The following CCSER1 variants were observed in gnomAD, a reference collection of about 807,000 sequenced individuals.
CCSER1 encodes serine-rich coiled-coil domain-containing protein 1.
In CCSER1, 41 loss-of-function variants were observed where a neutral mutation model predicts 82.0. The observed-to-expected ratio is 0.50, with a 90% CI of 0.39 to 0.65. CCSER1 has a LOEUF of 0.65. Ranked by LOEUF, CCSER1 falls within the 30% of genes least tolerant of loss-of-function variation. The probability of loss-of-function intolerance (pLI) is 0.00; values close to 1 mark genes in which losing one functional copy is unlikely to be tolerated. For missense variants in CCSER1, 1,119 were observed against 1,064.2 expected, an observed-to-expected ratio of 1.05 and a Z score of -0.72; for synonymous variants, 414 against 383.9, an observed-to-expected ratio of 1.08 and a Z score of -0.92.
intron 8 of CCSER1, among the ~76,000 whole-genome samples, chr4:90,908,224 CT>C (rs1232492944): frequency 6.6e-6 from 1 of 152,100 alleles, no homozygotes; most frequent in Non-Finnish European, 1.5e-5. Context: ...TAAGAATCTA[CT>C]TTAAAAAGAA....
chr4:90,913,503 G>A (rs1379898641), intron 8 of CCSER1, among the ~76,000 whole-genome samples: 1 of 152,126 alleles, frequency 6.6e-6, no homozygotes, highest in East Asian at 1.9e-4. Context: ...ACTAAATATG[G>A]AAAGGAACAG....
At chr4:91,350,454 T>C (rs997712852) in intron 10 of CCSER1, among the ~76,000 whole-genome samples, 6 of 152,180 alleles carry the variant, frequency 3.9e-5, no homozygotes, top group Non-Finnish European at 5.9e-5. Context: ...TTCCTCTTTT[T>C]AGTGTCATTT....
intron 8 of CCSER1, among the ~76,000 whole-genome samples, chr4:90,852,371 A>G (rs1763986983): frequency 6.6e-6 from 1 of 152,178 alleles, no homozygotes; most frequent in Non-Finnish European, 1.5e-5. Context: ...GTTTATGTCA[A>G]TATATCTTGG....
intron 5 of CCSER1, among the ~76,000 whole-genome samples, chr4:90,604,394 G>A (rs1027384897): frequency 2.0e-5 from 3 of 152,086 alleles, no homozygotes; most frequent in South Asian, 2.1e-4. Context: ...TGAGTCCCAT[G>A]TTCACCATTT....
At chr4:90,556,427 T>G (rs1778148557) in intron 5 of CCSER1, among the ~76,000 whole-genome samples, 1 of 152,052 alleles carries the variant, frequency 6.6e-6, no homozygotes, top group Admixed American at 6.6e-5. Context: ...CAAAAAAATG[T>G]AACAGTTGAC....
intron 5 of CCSER1, among the ~76,000 whole-genome samples, chr4:90,539,882 T>A (rs1775889493): frequency 6.6e-6 from 1 of 151,758 alleles, no homozygotes; most frequent in Admixed American, 6.6e-5. Context: ...AGTGTGTGGT[T>A]TATATAAGTA....
chr4:90,433,808 A>T (rs1255563798), intron 4 of CCSER1, among the ~76,000 whole-genome samples: 1 of 151,976 alleles, frequency 6.6e-6, no homozygotes, highest in Non-Finnish European at 1.5e-5. Context: ...CTAATTTCTT[A>T]GGACAGCACA....
intron 10 of CCSER1, among the ~76,000 whole-genome samples, chr4:91,486,384 C>G (rs1204791957): frequency 6.6e-6 from 1 of 151,892 alleles, no homozygotes; most frequent in African/African-American, 2.4e-5. Context: ...ATTAGAGACA[C>G]TTTTTTGAAA....
chr4:90,688,335 G>A (rs1735198192), intron 6 of CCSER1, among the ~76,000 whole-genome samples: 1 of 152,060 alleles, frequency 6.6e-6, no homozygotes, highest in Admixed American at 6.6e-5. Context: ...GTGCATGCAT[G>A]TATGCATGGT....
chr4:90,631,917 T>A (rs1048274519), intron 6 of CCSER1, among the ~76,000 whole-genome samples: 7 of 152,166 alleles, frequency 4.6e-5, no homozygotes, highest in African/African-American at 1.7e-4. Context: ...ATGACTTTCA[T>A]GTTTAGAGTT....
At chr4:90,999,101 A>C (rs2150470428) in intron 9 of CCSER1, among the ~76,000 whole-genome samples, 1 of 152,270 alleles carries the variant, frequency 6.6e-6, no homozygotes, top group Non-Finnish European at 1.5e-5. Context: ...CATGGTGTAT[A>C]TGTATCATAT....
chr4:91,054,001 T>C (rs1743222259), intron 9 of CCSER1, among the ~76,000 whole-genome samples: 1 of 152,220 alleles, frequency 6.6e-6, no homozygotes, highest in African/African-American at 2.4e-5. Context: ...AACATCTGTA[T>C]ACATTCATCC....
chr4:90,395,202 C>T (rs1751774861), intron 3 of CCSER1, among the ~76,000 whole-genome samples: 1 of 152,168 alleles, frequency 6.6e-6, no homozygotes, highest in African/African-American at 2.4e-5. Flanking sequence ...ACTTACTTCA[C>T]TTAGTGTAAT....
intron 4 of CCSER1, among the ~76,000 whole-genome samples, chr4:90,441,621 G>A (rs1374023240): frequency 6.6e-6 from 1 of 152,124 alleles, no homozygotes. Flanking sequence ...GTGGTGACAC[G>A]ATTCAGTCTA....
chr4:91,560,422 T>C (rs1020169783), intron 10 of CCSER1, among the ~76,000 whole-genome samples: 7 of 151,574 alleles, frequency 4.6e-5, no homozygotes, highest in Admixed American at 1.3e-4. Flanking sequence ...ACTAAATGGA[T>C]TATCCCATTG....
At chr4:91,331,006 G>A (rs1428647567) in intron 10 of CCSER1, among the ~76,000 whole-genome samples, 2 of 152,056 alleles carry the variant, frequency 1.3e-5, no homozygotes, top group African/African-American at 4.8e-5. Context: ...CTAACCTGCT[G>A]TTATTATACA....
intron 1 of CCSER1, among the ~76,000 whole-genome samples, chr4:90,158,544 C>T (rs1728776212): frequency 6.6e-6 from 1 of 152,210 alleles, no homozygotes; most frequent in African/African-American, 2.4e-5. Flanking sequence ...GTTGGAGCTT[C>T]CTGGCTGCTT....
chr4:90,534,441 T>TTGTGTGTGTGTGTGTG (rs376987549), intron 5 of CCSER1, among the ~76,000 whole-genome samples: 3 of 136,468 alleles, frequency 2.2e-5, no homozygotes, highest in Non-Finnish European at 3.2e-5. Context: ...TGCCAGCCTT[T>TTGTGTGTGTGTGTGTG]TGTGTGTGTG....
At chr4:90,646,507 A>C (rs1198895830) in intron 6 of CCSER1, among the ~76,000 whole-genome samples, 1 of 152,102 alleles carries the variant, frequency 6.6e-6, no homozygotes. Context: ...TGTCAGGTTA[A>C]ATTTGACCTC....
Sources: gnomAD v4.1 joint callset for allele counts (sites outside exome capture counted in the v4.1 genomes callset) on GRCh38, gnomAD v4.1.1 for gene constraint, MANE v1.5 for transcripts, NCBI Gene and HGNC (gene_info 2026-07-23, HGNC 2026-07-21) for gene names.